Variants in LRRK1 observed in about 807,000 individuals in gnomAD.
LRRK1 encodes leucine rich repeat kinase 1, also known as leucine-rich repeat serine/threonine-protein kinase 1.
Under a neutral mutation model 209.1 loss-of-function variants are expected in LRRK1, and 113 were observed. That is an observed-to-expected ratio of 0.54 (90% CI 0.46 to 0.63). LRRK1 has a LOEUF of 0.63. LRRK1 is among the 30% of genes least tolerant of loss of function. The probability of loss-of-function intolerance (pLI) is 0.00; values close to 1 mark genes in which losing one functional copy is unlikely to be tolerated. For synonymous variants in LRRK1, 1,144 were observed against 1,099.7 expected (o/e 1.04, Z -0.80); for missense variants, 2,284 against 2,632.2 (o/e 0.87, Z 2.89).
chr15:100,921,844 A>G (rs1163356883), intron 1 of LRRK1, among the ~76,000 whole-genome samples: 2 of 152,108 alleles, frequency 1.3e-5, no homozygotes, highest in South Asian at 2.1e-4. Flanking sequence ...CGGCCTCCCA[A>G]GTAGCTGGGA....
intron 2 of LRRK1, among the ~76,000 whole-genome samples, chr15:100,927,594 G>T (rs2042138034): frequency 6.6e-6 from 1 of 152,200 alleles, no homozygotes; most frequent in Non-Finnish European, 1.5e-5. Context: ...GAGAATGAGG[G>T]AGGTGTTTGT....
chr15:100,967,409 A>AT (rs1452417636), intron 2 of LRRK1, among the ~76,000 whole-genome samples: 2 of 152,174 alleles, frequency 1.3e-5, no homozygotes, highest in Non-Finnish European at 2.9e-5. Flanking sequence ...ATTTACTTGG[A>AT]TTTTCAGGAC....
In LRRK1 at chr15:101,077,050, G is replaced by A. The variant is rs143624522; in HGVS notation, c.*8202G>A. On this transcript the variant is annotated 3_prime_UTR_variant, in exon 34 of 34. Coordinates refer to ENST00000388948, the MANE Select transcript of LRRK1 (RefSeq NM_024652.6). ...CAGTCCTCAGCCTTCAGGAAAGGTA[G>A]AACGGACTAATGATCTTTTAAAAAC... 1 of 152,174 alleles carries A rather than the reference G, an allele frequency of 6.6e-6. No individual in the cohort carries two copies. The highest frequency in any genetic ancestry group is 2.4e-5 in the African/African-American group (1 of 41,432). 9.4% of individuals were successfully genotyped at this position (152,174 alleles called of 1,614,324 possible).
At chr15:101,051,683 A>C (rs1225137103) in intron 23 of LRRK1, 28 bp from the exon 24 acceptor site, 2 of 1,604,558 alleles carry the variant, frequency 1.2e-6, no homozygotes, top group Admixed American at 1.7e-5. Context: ...CTTCTTGTGA[A>C]GCTGTCTCCT....
intron 6 of LRRK1, among the ~76,000 whole-genome samples, chr15:100,996,230 C>T (rs1218900793): frequency 6.6e-6 from 1 of 152,238 alleles, no homozygotes. Context: ...CAGAGCACTT[C>T]CGCACACATC....
At chr15:101,038,781 A>G (rs552129810) in intron 20 of LRRK1, among the ~76,000 whole-genome samples, 20 of 152,310 alleles carry the variant, frequency 1.3e-4, no homozygotes, top group African/African-American at 2.6e-4. Flanking sequence ...AAATGCCTCT[A>G]GTCAGCCATC....
intron 3 of LRRK1, among the ~76,000 whole-genome samples, chr15:100,976,088 A>T (rs2031276364): frequency 6.6e-6 from 1 of 152,200 alleles, no homozygotes; most frequent in Non-Finnish European, 1.5e-5. Flanking sequence ...TTTAGATGAA[A>T]TGAACAAATA....
Position 101,073,035 on chromosome 15 carries a change from T to C in LRRK1, c.*4187T>C. 1.0e-5 allele frequency: 2 copies of C among 191,854 alleles called. No individual in the cohort carries two copies. The highest frequency in any genetic ancestry group is 2.1e-5 in the Non-Finnish European group (2 of 97,144). The allele number at this position is 191,854 out of a possible 1,614,324, so 11.9% of individuals were successfully genotyped here. ...CCATGAGAAAGATCCACCTACAACCTCAAGTCCTCAGACCAACCAGCCCAA... is the reference window on the plus strand; with the variant it reads ...CCATGAGAAAGATCCACCTACAACCCCAAGTCCTCAGACCAACCAGCCCAA... On this transcript the variant is annotated 3_prime_UTR_variant, in exon 34 of 34. Transcript: ENST00000388948.
intron 2 of LRRK1, 139 bp from the exon 3 acceptor site, chr15:100,973,665 G>A (rs1287394815): frequency 2.3e-6 from 2 of 887,388 alleles, no homozygotes; most frequent in Non-Finnish European, 3.0e-6. Context: ...GGAGCGTCGC[G>A]GGGCCACCCC....
In LRRK1 at chr15:101,048,459, G is replaced by A. The variant is rs756116557; in HGVS notation, c.3136-35G>A. 4 of 1,588,934 alleles carry A rather than the reference G, an allele frequency of 2.5e-6. No homozygotes were observed. The South Asian group carries it at 4.6e-5, about 18-fold the overall frequency. On this transcript the variant is annotated intron_variant, in intron 21 of 33. Transcript: ENST00000388948. ...CTGCCCAGGGCCAGCGAGGAGCCCA[G>A]AATACTTAAGCAGGGTCTTTTCTCT...
At chr15:101,014,466 C>G (rs373655220) in intron 11 of LRRK1, 38 bp downstream of exon 11, 1 of 1,400,970 alleles carries the variant, frequency 7.1e-7, no homozygotes. Context: ...AGTTCCAAAG[C>G]GTGTGTGGGG....
chr15:100,958,013 C>G (rs1596197803), intron 2 of LRRK1, among the ~76,000 whole-genome samples: 2 of 152,028 alleles, frequency 1.3e-5, no homozygotes. Context: ...TTACAGGCAG[C>G]CACCACCACA....
chr15:100,993,606 T>C (rs967823559), intron 6 of LRRK1, among the ~76,000 whole-genome samples: 1 of 152,238 alleles, frequency 6.6e-6, no homozygotes, highest in Non-Finnish European at 1.5e-5. Context: ...TGTTTTTCTT[T>C]GTGTCAACCT....
chr15:100,972,123 C>T (rs991885329), intron 2 of LRRK1, among the ~76,000 whole-genome samples: 13 of 151,946 alleles, frequency 8.6e-5, no homozygotes, highest in Admixed American at 1.3e-4. Flanking sequence ...CCACCACACC[C>T]GGCTAATTTT....
intron 2 of LRRK1, 66 bp from the exon 3 acceptor site, chr15:100,973,738 G>C (rs1310432039): frequency 8.1e-7 from 1 of 1,241,370 alleles, no homozygotes; most frequent in Non-Finnish European, 1.0e-6. Context: ...TGTGTTCCAC[G>C]GTGATTCTCA....
At chr15:100,950,818 A>G (rs144894595) in intron 2 of LRRK1, among the ~76,000 whole-genome samples, 2 of 152,354 alleles carry the variant, frequency 1.3e-5, no homozygotes, top group African/African-American at 4.8e-5. Context: ...TTTAAAAAAG[A>G]GCAGGCCGGG....
At chr15:100,921,185 A>G (rs960203962) in intron 1 of LRRK1, among the ~76,000 whole-genome samples, 1 of 152,136 alleles carries the variant, frequency 6.6e-6, no homozygotes, top group Non-Finnish European at 1.5e-5. Context: ...CCTCATTCCC[A>G]TAACTGTACA....
At position 101,058,065 on chromosome 15, in the gene LRRK1, G is replaced by A; in HGVS notation, c.4603G>A (p.Gly1535Arg). 6.2e-7 allele frequency: 1 copy of A among 1,614,154 alleles called. No homozygotes were observed. The highest frequency in any genetic ancestry group is 8.5e-7 in the Non-Finnish European group (1 of 1,180,022). The change falls in exon 29 of 34, where the codon GGG becomes AGG. Residue 1535 changes from glycine to arginine, a missense_variant. This residue lies in a region of LRRK1 where 643 missense variants were observed against 695.9 expected (regional missense o/e 0.92). Transcript: ENST00000388948. ...CACCTTCATGTATGAACTGTGCTGTGGGAAGCAGACAGCCTTCTTCTCATC... is the reference window on the plus strand; with the variant it reads ...CACCTTCATGTATGAACTGTGCTGTAGGAAGCAGACAGCCTTCTTCTCATC... Reference protein sequence around the residue: ...FATFMYELCCGKQTAFFSSQG... With the variant: ...FATFMYELCCRKQTAFFSSQG...
chr15:100,999,833 T>TTGTAGCCACAGATTGTTACAACGAC (rs2032605311), intron 6 of LRRK1, among the ~76,000 whole-genome samples: 1 of 152,254 alleles, frequency 6.6e-6, no homozygotes, highest in East Asian at 1.9e-4. Context: ...GAGTCTGGAC[T>TTGTAGCCACAGATTGTTACAACGAC]TGTAGCCACA....
Sources: gnomAD v4.1 joint callset for allele counts (sites outside exome capture counted in the v4.1 genomes callset) on GRCh38, gnomAD v4.1.1 for gene constraint, gnomAD v4.1.1 regional missense constraint, MANE v1.5 for transcripts, NCBI Gene and HGNC (gene_info 2026-07-23, HGNC 2026-07-21) for gene names.